The following MLLT3 variants were observed in gnomAD, a reference collection of about 807,000 sequenced individuals.
The protein encoded by MLLT3 is MLLT3 super elongation complex subunit.
MLLT3 carries 4 observed loss-of-function variants against 53.2 expected under a neutral mutation model. The ratio of observed to expected loss-of-function variants is 0.08; its 90% CI spans 0.04 to 0.17. The LOEUF is 0.17. MLLT3 is among the 10% of genes least tolerant of loss of function. MLLT3 has a pLI of 1.00. For synonymous variants in MLLT3, 283 were observed against 230.6 expected (o/e 1.23, Z -2.06); for missense variants, 569 against 684.0 (o/e 0.83, Z 1.87).
intron 4 of MLLT3, among the ~76,000 whole-genome samples, chr9:20,431,043 T>C (rs1360151991): frequency 6.6e-6 from 1 of 152,132 alleles, no homozygotes; most frequent in African/African-American, 2.4e-5. Flanking sequence ...GCTTACTAAA[T>C]GTGCATAGAT....
chr9:20,423,083 G>C (rs935011525), intron 4 of MLLT3, among the ~76,000 whole-genome samples: 4 of 152,148 alleles, frequency 2.6e-5, no homozygotes, highest in African/African-American at 9.7e-5. Flanking sequence ...CTTTGGAGAT[G>C]GTCTTGCTCT....
chr9:20,471,987 C>G (rs1314210325), intron 2 of MLLT3, among the ~76,000 whole-genome samples: 21 of 151,966 alleles, frequency 1.4e-4, no homozygotes, highest in Admixed American at 1.4e-3. Flanking sequence ...TACTGTTAAA[C>G]TGTTAAGGTG....
intron 2 of MLLT3, among the ~76,000 whole-genome samples, chr9:20,588,776 T>C (rs1285358177): frequency 1.3e-5 from 2 of 152,212 alleles, no homozygotes; most frequent in Non-Finnish European, 2.9e-5. Flanking sequence ...TATACAATCA[T>C]GTCATCTGCA....
At chr9:20,560,420 T>C (rs1819173641) in intron 2 of MLLT3, among the ~76,000 whole-genome samples, 1 of 152,210 alleles carries the variant, frequency 6.6e-6, no homozygotes, top group African/African-American at 2.4e-5. Flanking sequence ...AACTATACTG[T>C]CATTCATTCA....
chr9:20,379,711 T>C (rs1821859528), intron 5 of MLLT3, among the ~76,000 whole-genome samples: 1 of 152,018 alleles, frequency 6.6e-6, no homozygotes, highest in African/African-American at 2.4e-5. Flanking sequence ...CTTTTAAAAA[T>C]ATACACACAC....
At chr9:20,395,606 C>T (rs1822302682) in intron 5 of MLLT3, among the ~76,000 whole-genome samples, 1 of 152,128 alleles carries the variant, frequency 6.6e-6, no homozygotes, top group African/African-American at 2.4e-5. Context: ...CTGTAATAAA[C>T]TCATCAGAAA....
chr9:20,349,922 T>C (rs949983033), intron 10 of MLLT3, among the ~76,000 whole-genome samples: 2 of 152,178 alleles, frequency 1.3e-5, no homozygotes, highest in Non-Finnish European at 2.9e-5. Flanking sequence ...AGCCTTAAAG[T>C]AGTAGCAGTG....
At position 20,448,578 on chromosome 9, in the gene MLLT3, C is replaced by T. The variant is rs908341652; in HGVS notation, c.277-312G>A. On this transcript the variant is annotated intron_variant, in intron 3 of 10. Transcript: ENST00000380338. This position sits in a 1 kb window ranked among gnomAD's most constrained non-coding sequence, Gnocchi z 4.0. ...CTAGAAACCAAGCACATTCCTTCCT[C>T]TTCCCCACCCCAGTACACTCACCAT... Among the ~76,000 whole-genome samples, 4 of 152,150 alleles carry T rather than the reference C, an allele frequency of 2.6e-5. No homozygotes were observed. Among genetic ancestry groups the T allele is most frequent in the African/African-American group, 9.7e-5 (4 of 41,430 alleles).
chr9:20,534,174 A>T (rs559027892), intron 2 of MLLT3, among the ~76,000 whole-genome samples: 1 of 152,342 alleles, frequency 6.6e-6, no homozygotes, highest in South Asian at 2.1e-4. Flanking sequence ...CGAAAGAGAA[A>T]TGTTTAGCAA....
At chr9:20,538,562 CGT>C (rs1469898210) in intron 2 of MLLT3, among the ~76,000 whole-genome samples, 1 of 152,042 alleles carries the variant, frequency 6.6e-6, no homozygotes, top group Non-Finnish European at 1.5e-5. Flanking sequence ...AAAGTAAATT[CGT>C]ATACCAAAGT....
At chr9:20,347,756 GTTGTCTGTTATTCTCTT>G (rs1820913252) in intron 10 of MLLT3, among the ~76,000 whole-genome samples, 1 of 152,136 alleles carries the variant, frequency 6.6e-6, no homozygotes, top group African/African-American at 2.4e-5. Flanking sequence ...CCTGATTTGA[GTTGTCTGTTATTCTCTT>G]TCTATCACTT....
intron 2 of MLLT3, among the ~76,000 whole-genome samples, chr9:20,469,012 C>T (rs1484924404): frequency 6.6e-6 from 1 of 151,984 alleles, no homozygotes; most frequent in African/African-American, 2.4e-5. Flanking sequence ...TTTATTAGAC[C>T]ATTAAATAAA....
rs1821045726 is a variant in MLLT3, at chr9:20,622,370, G to A, written c.-114C>T. The A allele has an allele frequency of 1.0e-6, 1 of 965,890 alleles. No individual in the cohort carries two copies. The highest frequency in any genetic ancestry group is 1.7e-5 in the African/African-American group (1 of 59,338). The allele number at this position is 965,890 out of a possible 1,614,324, so 59.8% of individuals were successfully genotyped here. ...ATGAATGAGAGCGCGCCCAGGAGCG[G>A]AGGGTAGATGGCGGACATTCTCTGC... On this transcript the variant is annotated 5_prime_UTR_variant, in exon 1 of 11. Transcript: ENST00000380338.
rs528658619 is a variant in MLLT3, at chr9:20,485,944, G to C, written c.194-29158C>G. The stretch of plus-strand genomic sequence containing the variant: ...ACAGACTTCACGTGGTCTAAACCTT[G>C]TACTATATACATATAGCACTTCTTG... On this transcript the variant is annotated intron_variant, in intron 2 of 10. Coordinates refer to ENST00000380338, the MANE Select transcript of MLLT3 (RefSeq NM_004529.4). Among the ~76,000 whole-genome samples the C allele has an allele frequency of 3.9e-4, 60 of 152,232 alleles. 1 individual carries two copies. Among genetic ancestry groups the C allele is most frequent in the Admixed American group, 7.2e-4 (11 of 15,290 alleles).
At chr9:20,595,462 A>G (rs1039855159) in intron 2 of MLLT3, among the ~76,000 whole-genome samples, 4 of 152,108 alleles carry the variant, frequency 2.6e-5, no homozygotes, top group Non-Finnish European at 5.9e-5. Context: ...CACATACTTC[A>G]CTAAGTTATC....
At chr9:20,385,559 G>A (rs1335059536) in intron 5 of MLLT3, among the ~76,000 whole-genome samples, 1 of 152,020 alleles carries the variant, frequency 6.6e-6, no homozygotes, top group African/African-American at 2.4e-5. Flanking sequence ...GTTCAATCGA[G>A]AACATCCTAA....
intron 5 of MLLT3, chr9:20,411,861 T>C (rs1822736625): frequency 6.6e-6 from 1 of 152,232 alleles, no homozygotes; most frequent in African/African-American, 2.4e-5. Flanking sequence ...GAGCTTTCAA[T>C]GATGCTTTAT....
At chr9:20,551,991 C>G (rs1818936576) in intron 2 of MLLT3, among the ~76,000 whole-genome samples, 1 of 152,216 alleles carries the variant, frequency 6.6e-6, no homozygotes, top group Non-Finnish European at 1.5e-5. Flanking sequence ...GCTTCCCTCT[C>G]TGAGTTGCCA....
At chr9:20,543,775 G>T (rs1257193519) in intron 2 of MLLT3, among the ~76,000 whole-genome samples, 3 of 149,276 alleles carry the variant, frequency 2.0e-5, no homozygotes, top group Non-Finnish European at 3.0e-5. Context: ...AGGAGGAGGA[G>T]GAAAAAAACT....
Sources: gnomAD v4.1 joint callset for allele counts (sites outside exome capture counted in the v4.1 genomes callset) on GRCh38, gnomAD v4.1.1 for gene constraint, Gnocchi (gnomAD v3.1) non-coding constraint, MANE v1.5 for transcripts, NCBI Gene and HGNC (gene_info 2026-07-23, HGNC 2026-07-21) for gene names.